Variants in FGF14 observed in about 807,000 individuals in gnomAD.
FGF14 encodes the protein fibroblast growth factor homologous factor 4.
A neutral mutation model predicts 25.5 loss-of-function variants in FGF14; 5 were observed. That is an observed-to-expected ratio of 0.20 (90% CI 0.10 to 0.41). FGF14 has a LOEUF of 0.41. Among genes scored for constraint, FGF14 ranks in the 10% least tolerant of loss-of-function variants. The probability of loss-of-function intolerance (pLI) is 1.00; values close to 1 mark genes in which losing one functional copy is unlikely to be tolerated. For synonymous variants in FGF14, 138 were observed against 118.3 expected, an observed-to-expected ratio of 1.17 and a Z score of -1.08; for missense variants, 222 against 320.1, an observed-to-expected ratio of 0.69 and a Z score of 2.34.
chr13:101,898,779 A>G (rs2031104859), intron 1 of FGF14, among the ~76,000 whole-genome samples: 1 of 152,192 alleles, frequency 6.6e-6, no homozygotes, highest in Non-Finnish European at 1.5e-5. Context: ...GATATTTTTA[A>G]AAACAAGAAG....
intron 1 of FGF14, among the ~76,000 whole-genome samples, chr13:101,958,532 G>A (rs1005121346): frequency 7.2e-5 from 11 of 152,060 alleles, no homozygotes; most frequent in African/African-American, 2.4e-4. Flanking sequence ...CCTGGCTTGT[G>A]TTCTCTCTAC....
In FGF14 at chr13:101,721,544, G is replaced by A. The variant is rs1330191192; in HGVS notation, c.*1287C>T. 1.3e-5 allele frequency: 2 copies of A among 152,092 alleles called. No homozygotes were observed. Among genetic ancestry groups the A allele is most frequent in the South Asian group, 2.1e-4 (1 of 4,830 alleles). The allele number at this position is 152,092 out of a possible 1,614,324, so 9.4% of individuals were successfully genotyped here. A position where few individuals can be genotyped will look rare whatever the true frequency, so the allele number is the denominator to read the frequency against. On this transcript the variant is annotated 3_prime_UTR_variant, in exon 5 of 5. Transcript: ENST00000376143. ...CATGAGCCCCAGATGCTGAGCTAGA[G>A]GCATGTACTGGTGAAATACACAGTA...
intron 1 of FGF14, among the ~76,000 whole-genome samples, chr13:101,967,283 C>G (rs1235291162): frequency 6.6e-6 from 1 of 152,170 alleles, no homozygotes; most frequent in Non-Finnish European, 1.5e-5. Flanking sequence ...TGTCTAAAGT[C>G]ATTTGTAAAC....
intron 1 of FGF14, among the ~76,000 whole-genome samples, chr13:102,004,805 C>A (rs994088882): frequency 2.6e-5 from 4 of 152,156 alleles, no homozygotes; most frequent in East Asian, 1.9e-4. Flanking sequence ...TGAGTGAATT[C>A]TCACAATATC....
intron 1 of FGF14, among the ~76,000 whole-genome samples, chr13:102,327,531 G>A (rs549926278): frequency 4.9e-4 from 75 of 152,184 alleles, no homozygotes; most frequent in Admixed American, 3.4e-3. Flanking sequence ...ACTGTACTAC[G>A]ATCATGAAAA....
chr13:101,814,165 G>T (rs1179110115), intron 3 of FGF14, among the ~76,000 whole-genome samples: 1 of 152,148 alleles, frequency 6.6e-6, no homozygotes, highest in Non-Finnish European at 1.5e-5. Flanking sequence ...TCACCTGAGA[G>T]TTGGTTAGAA....
intron 1 of FGF14, chr13:102,394,255 G>T (rs1469136337): frequency 6.6e-6 from 1 of 152,414 alleles, no homozygotes; most frequent in African/African-American, 2.4e-5. Context: ...CTAGCGGGAG[G>T]CCAGACCGGG....
upstream of FGF14, among the ~76,000 whole-genome samples, chr13:101,919,176 C>T (rs1324369904): frequency 6.6e-6 from 1 of 152,040 alleles, no homozygotes; most frequent in Non-Finnish European, 1.5e-5. Context: ...TGAAATGAGT[C>T]CTACTGAACA....
At chr13:101,968,639 A>C (rs771764483) in intron 1 of FGF14, among the ~76,000 whole-genome samples, 83 of 144,488 alleles carry the variant, frequency 5.7e-4, no homozygotes, top group South Asian at 1.5e-3. Flanking sequence ...TGCCACTGCA[A>C]TCCAGCCTGG....
At chr13:102,298,638 C>T (rs2054857747) in intron 1 of FGF14, among the ~76,000 whole-genome samples, 1 of 152,034 alleles carries the variant, frequency 6.6e-6, no homozygotes, top group African/African-American at 2.4e-5. Flanking sequence ...GCACTTCTGT[C>T]ACCTTTTTTT....
intron 3 of FGF14, among the ~76,000 whole-genome samples, chr13:101,842,256 T>C (rs976780044): frequency 6.6e-6 from 1 of 152,036 alleles, no homozygotes; most frequent in African/African-American, 2.4e-5. Flanking sequence ...CCTCATTTCA[T>C]CTTTGTGCCT....
intron 1 of FGF14, among the ~76,000 whole-genome samples, chr13:101,941,719 A>G (rs1594782602): frequency 6.6e-6 from 1 of 152,248 alleles, no homozygotes; most frequent in African/African-American, 2.4e-5. Context: ...TCAAAGGTTT[A>G]ACAAATTGAA....
At chr13:102,175,070 A>T (rs904914916) in intron 1 of FGF14, among the ~76,000 whole-genome samples, 2 of 152,276 alleles carry the variant, frequency 1.3e-5, no homozygotes, top group East Asian at 3.9e-4. Context: ...TCAAATTACC[A>T]ATGTCATAGA....
chr13:101,735,477 G>C (rs2036118458), intron 3 of FGF14, among the ~76,000 whole-genome samples: 1 of 151,892 alleles, frequency 6.6e-6, no homozygotes, highest in Non-Finnish European at 1.5e-5. Flanking sequence ...GGAGCAAAAA[G>C]GTAAAGAAAA....
At chr13:102,001,090 A>G (rs2039469766) in intron 1 of FGF14, among the ~76,000 whole-genome samples, 1 of 152,190 alleles carries the variant, frequency 6.6e-6, no homozygotes, top group South Asian at 2.1e-4. Flanking sequence ...TGTCATGGAA[A>G]CCAAGAAGGA....
intron 1 of FGF14, among the ~76,000 whole-genome samples, chr13:102,077,111 C>A (rs555491019): frequency 2.1e-4 from 32 of 152,126 alleles, no homozygotes; most frequent in African/African-American, 7.7e-4. Context: ...TATCTCATGC[C>A]ATATACAAAA....
At chr13:102,077,805 A>T (rs1366063203) in intron 1 of FGF14, among the ~76,000 whole-genome samples, 2 of 152,184 alleles carry the variant, frequency 1.3e-5, no homozygotes, top group Non-Finnish European at 1.5e-5. Flanking sequence ...AAAGGAAATT[A>T]AATCACTATG....
rs75620798 is a variant in FGF14, at chr13:101,964,054, G to T, written c.209-88758C>A. Among the ~76,000 whole-genome samples the T allele has an allele frequency of 4.9e-3, 739 of 152,338 alleles. 3 individuals carry two copies. The highest frequency in any genetic ancestry group is 8.2e-3 in the Non-Finnish European group (558 of 68,026). The stretch of plus-strand genomic sequence containing the variant: ...ACAAAGTCATAAGGGAATTTATCAT[G>T]AAACATGACCATCTTAAAACCACGA... On this transcript the variant is annotated intron_variant, in intron 1 of 4. Transcript: ENST00000376131.
chr13:102,338,559 C>A (rs2056854711), intron 1 of FGF14, among the ~76,000 whole-genome samples: 1 of 152,070 alleles, frequency 6.6e-6, no homozygotes, highest in Non-Finnish European at 1.5e-5. Context: ...ACAAAGATTA[C>A]CACGTTTGAG....
Sources: gnomAD v4.1 joint callset for allele counts (sites outside exome capture counted in the v4.1 genomes callset) on GRCh38, gnomAD v4.1.1 for gene constraint, MANE v1.5 for transcripts, NCBI Gene and HGNC (gene_info 2026-07-23, HGNC 2026-07-21) for gene names.